COL4A4: variants seen among roughly 807,000 people sequenced by gnomAD.
COL4A4 encodes collagen alpha-4(IV) chain.
In COL4A4, 105 loss-of-function variants were observed where a neutral mutation model predicts 192.9. The ratio of observed to expected loss-of-function variants is 0.54; its 90% CI spans 0.46 to 0.64. The LOEUF is 0.64. COL4A4 is among the 30% of genes least tolerant of loss of function. The pLI, the probability that COL4A4 is intolerant of heterozygous loss-of-function variation, is 0.00. For missense variants in COL4A4, 1,967 were observed against 2,169.3 expected, an observed-to-expected ratio of 0.91 and a Z score of 1.85; for synonymous variants, 762 against 769.9, an observed-to-expected ratio of 0.99 and a Z score of 0.17.
intron 12 of COL4A4, among the ~76,000 whole-genome samples, chr2:227,106,492 G>A (rs1403492694): frequency 6.6e-6 from 1 of 152,236 alleles, no homozygotes; most frequent in Non-Finnish European, 1.5e-5. Flanking sequence ...ATTTAGGGCA[G>A]TGTTTCTTAA....
intron 7 of COL4A4, among the ~76,000 whole-genome samples, chr2:227,116,941 T>C (rs183872990): frequency 1.1e-3 from 160 of 152,372 alleles, no homozygotes; most frequent in African/African-American, 3.8e-3. Flanking sequence ...CTACTCTTGA[T>C]AAGTTTTTAC....
intron 35 of COL4A4, among the ~76,000 whole-genome samples, chr2:227,045,991 A>ATATATATTTATATAT (rs1972689301): frequency 3.8e-5 from 5 of 131,490 alleles, no homozygotes; most frequent in African/African-American, 1.4e-4. Context: ...GTATATATTT[A>ATATATATTTATATAT]GATATTTAGA....
chr2:226,971,003 A>G, the COL4A4 span, among the ~76,000 whole-genome samples: 1 of 152,224 alleles, frequency 6.6e-6, no homozygotes, highest in Non-Finnish European at 1.5e-5. Flanking sequence ...CATATATGTG[A>G]GTTGAGTTAT....
intron 45 of COL4A4, among the ~76,000 whole-genome samples, chr2:227,010,808 AAAC>A (rs1246746987): frequency 6.6e-6 from 1 of 152,230 alleles, no homozygotes; most frequent in Non-Finnish European, 1.5e-5. Flanking sequence ...GAGAAATAAG[AAAC>A]AATAAGCATA....
intron 42 of COL4A4, among the ~76,000 whole-genome samples, chr2:227,026,709 G>T (rs1966892794): frequency 6.6e-6 from 1 of 152,068 alleles, no homozygotes; most frequent in South Asian, 2.1e-4. Context: ...ATGTCTGTTT[G>T]CCCCTTCTCT....
chr2:227,041,846 A>AAGAAAAAGAGAGAGAG (rs1559478097), intron 37 of COL4A4, among the ~76,000 whole-genome samples: 1 of 39,302 alleles, frequency 2.5e-5, no homozygotes, highest in Non-Finnish European at 4.4e-5. Flanking sequence ...GAAAGAAAGA[A>AAGAAAAAGAGAGAGAG]AGAGAAAGAA....
At chr2:227,128,700 T>G (rs2062234196) in intron 4 of COL4A4, among the ~76,000 whole-genome samples, 1 of 152,100 alleles carries the variant, frequency 6.6e-6, no homozygotes, top group Non-Finnish European at 1.5e-5. Context: ...CATGCTCCCA[T>G]CTTACCTTCC....
chr2:227,007,268 A>G lies in COL4A4; in HGVS notation c.*57T>C. Reference sequence around the variant, plus strand: ...ATGACATCTCTTAGCACAGTCTAGGAAGTCTTAGCCCCCTAGGAAGTTTCT... The same window carrying G: ...ATGACATCTCTTAGCACAGTCTAGGGAGTCTTAGCCCCCTAGGAAGTTTCT... On this transcript the variant is annotated 3_prime_UTR_variant, in exon 48 of 48. Transcript: ENST00000396625. 1 of 1,607,034 alleles carries G rather than the reference A, an allele frequency of 6.2e-7. No homozygotes were observed. The highest frequency in any genetic ancestry group is 8.5e-7 in the Non-Finnish European group (1 of 1,173,860).
intron 29 of COL4A4, among the ~76,000 whole-genome samples, chr2:227,056,992 T>G (rs1326370027): frequency 6.6e-6 from 1 of 152,140 alleles, no homozygotes; most frequent in Non-Finnish European, 1.5e-5. Flanking sequence ...CCCTGCACCT[T>G]GTATTAGGAG....
At chr2:227,063,075 G>A (rs946993147) in intron 25 of COL4A4, among the ~76,000 whole-genome samples, 1 of 152,206 alleles carries the variant, frequency 6.6e-6, no homozygotes, top group African/African-American at 2.4e-5. Context: ...TTGTGCAAAT[G>A]AAGAGGCTGG....
intron 28 of COL4A4, among the ~76,000 whole-genome samples, chr2:227,058,599 C>T (rs1976096511): frequency 6.6e-6 from 1 of 152,058 alleles, no homozygotes; most frequent in African/African-American, 2.4e-5. Flanking sequence ...AAACACTGGC[C>T]CACCGACTTT....
chr2:227,096,943 T>G (rs117053801), intron 19 of COL4A4, among the ~76,000 whole-genome samples: 2 of 152,160 alleles, frequency 1.3e-5, no homozygotes, highest in African/African-American at 4.8e-5. Context: ...ATATAGTAAA[T>G]ACCATAGATA....
rs1350470569 is a variant in COL4A4 at position 227,043,075 on chromosome 2, A to G, written c.3397+2T>C. On this transcript the variant is annotated splice_donor_variant, in intron 36 of 47. Coordinates refer to ENST00000396625, the MANE Select transcript of COL4A4 (RefSeq NM_000092.5). LOFTEE classifies it high-confidence loss of function. ...AAGTCTCCAGATTTCCTTTCAAGGTACCTGGGCACCCTGGTGGTCCAGAGG... is the reference window on the plus strand; with the variant it reads ...AAGTCTCCAGATTTCCTTTCAAGGTGCCTGGGCACCCTGGTGGTCCAGAGG... 1 of 1,610,030 alleles carries G rather than the reference A, an allele frequency of 6.2e-7. No homozygotes were observed. Among genetic ancestry groups the G allele is most frequent in the Admixed American group, 1.7e-5 (1 of 59,988 alleles).
Position 227,104,071 on chromosome 2 carries a change from AT to A in COL4A4, c.736-20del. 1 of 1,602,558 alleles carries A rather than the reference AT, an allele frequency of 6.2e-7. No individual in the cohort carries two copies. The highest frequency in any genetic ancestry group is 8.5e-7 in the Non-Finnish European group (1 of 1,171,996). On this transcript the variant is annotated intron_variant, in intron 12 of 47. Coordinates refer to ENST00000396625, the MANE Select transcript of COL4A4 (RefSeq NM_000092.5). ...CCTCACCCTTAAAAAAAAAAGCAAG[AT>A]AATGAAAATTTCATATTAATTTATG...
intron 35 of COL4A4, among the ~76,000 whole-genome samples, chr2:227,045,824 A>G (rs1217705939): frequency 5.1e-5 from 3 of 58,468 alleles, no homozygotes; most frequent in African/African-American, 3.1e-4. Context: ...ATACACATAT[A>G]TATATATACA....
intron 46 of COL4A4, among the ~76,000 whole-genome samples, chr2:227,009,317 C>A (rs1177140062): frequency 5.9e-5 from 9 of 152,196 alleles, no homozygotes; most frequent in Non-Finnish European, 1.0e-4. Flanking sequence ...TCCATTCTAA[C>A]CATGATTTTC....
chr2:226,976,302 G>GA, the COL4A4 span, among the ~76,000 whole-genome samples: 1 of 147,796 alleles, frequency 6.8e-6, no homozygotes, highest in Admixed American at 6.9e-5. Context: ...CCCCCCTGGA[G>GA]ACACCACTAG....
At chr2:227,023,742 G>C (rs763868830) in intron 43 of COL4A4, among the ~76,000 whole-genome samples, 3 of 152,162 alleles carry the variant, frequency 2.0e-5, no homozygotes, top group Non-Finnish European at 2.9e-5. Flanking sequence ...CGCCAGGCGC[G>C]GTGGCTCATG....
intron 2 of COL4A4, 125 bp downstream of exon 2, chr2:227,147,288 C>T (rs758076164): frequency 3.6e-5 from 32 of 897,802 alleles, no homozygotes; most frequent in South Asian, 2.2e-4. Flanking sequence ...GGCAGACATA[C>T]CCTTAGCTTT....
Sources: allele counts gnomAD v4.1 joint callset (sites outside exome capture counted in the v4.1 genomes callset), GRCh38; gene constraint gnomAD v4.1.1; transcripts MANE v1.5; gene names NCBI Gene and HGNC (gene_info 2026-07-23, HGNC 2026-07-21).